The following COL4A5 variants were observed in gnomAD, a reference collection of about 807,000 sequenced individuals.
COL4A5 encodes collagen type IV alpha 5 chain, also known as collagen alpha-5(IV) chain.
In COL4A5, 26 loss-of-function variants were observed where a neutral mutation model predicts 130.2. That is an observed-to-expected ratio of 0.20 (90% confidence interval 0.15 to 0.28). The LOEUF is 0.28. COL4A5 is among the 10% of genes least tolerant of loss of function. COL4A5 has a pLI of 1.00. For synonymous variants in COL4A5, 496 were observed against 439.6 expected, an observed-to-expected ratio of 1.13 and a Z score of -1.60; for missense variants, 1,131 against 1,344.3, an observed-to-expected ratio of 0.84 and a Z score of 2.48.
intron 35 of COL4A5, 137 bp from the exon 36 acceptor site, chrX:108,626,073 G>T: frequency 1.7e-6 from 1 of 577,329 alleles, no homozygotes; most frequent in Non-Finnish European, 2.7e-6. Context: ...ATATAATTGT[G>T]TTTGTGAGGC....
chrX:108,523,026 C>T (rs768949118), intron 1 of COL4A5, among the ~76,000 whole-genome samples: 4 of 108,244 alleles, frequency 3.7e-5, no homozygotes, highest in South Asian at 4.2e-4. Context: ...TACAGGTGCG[C>T]GTGCCACCAT....
At chrX:108,526,497 TTC>T (rs2065312628) in intron 1 of COL4A5, among the ~76,000 whole-genome samples, 2 of 108,724 alleles carry the variant, frequency 1.8e-5, no homozygotes, top group Admixed American at 9.8e-5. Context: ...CTTTCTTTCT[TTC>T]TCTTTCTTTC....
rs1015664191 is a variant in COL4A5, at chrX:108,446,379, C to T, written c.81+6173C>T. The stretch of plus-strand genomic sequence containing the variant: ...TAAAATGTCAAGATTTGTTAGCCAT[C>T]GTAAGAAGTGCTGCCATGAACATTT... On this transcript the variant is annotated intron_variant, in intron 1 of 52. Transcript: ENST00000328300. Among the ~76,000 whole-genome samples, 9 of 111,909 alleles carry T rather than the reference C, an allele frequency of 8.0e-5. No homozygotes were observed. In the East Asian group the frequency reaches 1.7e-3, roughly 21 times the overall value.
intron 46 of COL4A5, among the ~76,000 whole-genome samples, chrX:108,681,180 CA>C (rs890455288): frequency 2.7e-5 from 3 of 111,055 alleles, no homozygotes; most frequent in African/African-American, 9.8e-5. Flanking sequence ...GCAGGATCAA[CA>C]AAAATGCTTC....
chrX:108,516,147 TG>T (rs753476501), intron 1 of COL4A5, among the ~76,000 whole-genome samples: 1 of 112,139 alleles, frequency 8.9e-6, no homozygotes, highest in Admixed American at 9.4e-5. Flanking sequence ...TTGATCCACT[TG>T]GTGTAAAGGC....
intron 25 of COL4A5, among the ~76,000 whole-genome samples, chrX:108,599,217 C>G (rs995590145): frequency 2.7e-5 from 3 of 111,668 alleles, no homozygotes; most frequent in Admixed American, 9.5e-5. Flanking sequence ...TTCTCCCTGT[C>G]ATTTCCTAAT....
chrX:108,536,730 A>G (rs1321026072), intron 1 of COL4A5, among the ~76,000 whole-genome samples: 2 of 111,429 alleles, frequency 1.8e-5, no homozygotes, highest in Non-Finnish European at 3.8e-5. Flanking sequence ...GATAGCAATT[A>G]TTGACTATAC....
chrX:108,541,667 C>A (rs188989818), intron 2 of COL4A5, among the ~76,000 whole-genome samples: 1 of 112,069 alleles, frequency 8.9e-6, no homozygotes, highest in Admixed American at 9.5e-5. Context: ...CATCCAAATT[C>A]TTGCTTGAAT....
At chrX:108,664,319 G>A (rs2068029203) in intron 37 of COL4A5, among the ~76,000 whole-genome samples, 1 of 111,968 alleles carries the variant, frequency 8.9e-6, no homozygotes, top group African/African-American at 3.2e-5. Context: ...TTTAGAGAAA[G>A]CAAATTCTTT....
intron 50 of COL4A5, 70 bp from the exon 51 acceptor site, chrX:108,694,737 A>G (rs1344759997): frequency 1.1e-5 from 9 of 815,169 alleles, no homozygotes; most frequent in East Asian, 6.3e-5. Context: ...AAGGCTTCCA[A>G]TGAAGCAGGA....
At chrX:108,511,540 ACT>A (rs1362389030) in intron 1 of COL4A5, among the ~76,000 whole-genome samples, 1 of 111,084 alleles carries the variant, frequency 9.0e-6, no homozygotes, top group Admixed American at 9.6e-5. Flanking sequence ...AAGTTGGAAG[ACT>A]CTTCCAAGAT....
chrX:108,510,650 G>A (rs2065171920), intron 1 of COL4A5, among the ~76,000 whole-genome samples: 1 of 111,253 alleles, frequency 9.0e-6, no homozygotes, highest in Non-Finnish European at 1.9e-5. Flanking sequence ...GAGAGAAAAG[G>A]GGAGGAAGGA....
intron 1 of COL4A5, among the ~76,000 whole-genome samples, chrX:108,455,413 A>G (rs2064574435): frequency 8.9e-6 from 1 of 112,130 alleles, no homozygotes; most frequent in South Asian, 3.7e-4. Context: ...ATTGAGCTAT[A>G]ATTTCCATAA....
Position 108,622,629 on chromosome X carries a change from T to C in COL4A5, c.2768-47T>C, listed in dbSNP as rs1192741128. On this transcript the variant is annotated intron_variant, in intron 32 of 52. Transcript: ENST00000328300. ...AATAATCTTTATATGCATTAATCTT[T>C]GATGGATAAAATTGATATATTGTGT... 1.4e-5 allele frequency: 17 copies of C among 1,182,662 alleles called. No homozygotes were observed. The Admixed American group carries it at 3.7e-4, about 26-fold the overall frequency.
intron 2 of COL4A5, among the ~76,000 whole-genome samples, chrX:108,542,075 T>A (rs1178146254): frequency 8.9e-6 from 1 of 112,032 alleles, no homozygotes; most frequent in Non-Finnish European, 1.9e-5. Flanking sequence ...AAATAAGGAA[T>A]CACAACAGAG....
chrX:108,647,426 G>A (rs140489852), intron 36 of COL4A5, among the ~76,000 whole-genome samples: 27,335 of 110,487 alleles, frequency 0.25, 2,812 homozygotes, highest in East Asian at 0.57. Flanking sequence ...TTTGCACATC[G>A]ATTTTGTATC....
chrX:108,442,414 T>G (rs1334372878), intron 1 of COL4A5, among the ~76,000 whole-genome samples: 1 of 111,679 alleles, frequency 9.0e-6, no homozygotes, highest in Non-Finnish European at 1.9e-5. Flanking sequence ...AAAAGGTTAG[T>G]AATAAGAGAA....
intron 1 of COL4A5, among the ~76,000 whole-genome samples, chrX:108,493,178 T>C (rs1462322525): frequency 1.8e-5 from 2 of 111,711 alleles, no homozygotes; most frequent in African/African-American, 6.5e-5. Flanking sequence ...GTTTTTAAAA[T>C]GATATATTTA....
At chrX:108,489,807 T>C (rs1465758827) in intron 1 of COL4A5, among the ~76,000 whole-genome samples, 1 of 111,818 alleles carries the variant, frequency 8.9e-6, no homozygotes, top group Admixed American at 9.5e-5. Context: ...ATGTTATTTG[T>C]TTCATCTCAC....
Sources: gnomAD v4.1 joint callset for allele counts (sites outside exome capture counted in the v4.1 genomes callset) on GRCh38, gnomAD v4.1.1 for gene constraint, MANE v1.5 for transcripts, NCBI Gene and HGNC (gene_info 2026-07-23, HGNC 2026-07-21) for gene names.